DNAH7: variants seen among roughly 807,000 people sequenced by gnomAD.
DNAH7 encodes dynein axonemal heavy chain 7.
A neutral mutation model predicts 444.6 loss-of-function variants in DNAH7; 397 were observed. The observed-to-expected ratio is 0.89, with a 90% CI of 0.82 to 0.97. The LOEUF (loss-of-function observed/expected upper bound fraction) is 0.97. Ranked by LOEUF, DNAH7 falls within the 50% of genes least tolerant of loss-of-function variation. The pLI, the probability that DNAH7 is intolerant of heterozygous loss-of-function variation, is 0.00. For missense variants in DNAH7, 4,902 were observed against 4,800.8 expected (o/e 1.02, Z -0.62); for synonymous variants, 1,636 against 1,624.4 (o/e 1.01, Z -0.17).
rs531896173 is a variant in DNAH7 at position 195,785,647 on chromosome 2, T to C, written c.10878+1363A>G. Among the ~76,000 whole-genome samples the C allele has an allele frequency of 7.9e-5, 12 of 151,796 alleles. No individual in the cohort carries two copies. In the East Asian group the frequency reaches 2.3e-3, roughly 29 times the overall value. On this transcript the variant is annotated intron_variant, in intron 58 of 64. Coordinates refer to ENST00000312428, the MANE Select transcript of DNAH7 (RefSeq NM_018897.3). ...TGAATGAGTTGGATTTTTTCAGATGTTTTTTCTGCATCTATCGATATGATC... is the reference window on the plus strand; with the variant it reads ...TGAATGAGTTGGATTTTTTCAGATGCTTTTTCTGCATCTATCGATATGATC...
intron 17 of DNAH7, among the ~76,000 whole-genome samples, chr2:195,967,623 T>C (rs1574908557): frequency 6.6e-6 from 1 of 152,352 alleles, no homozygotes; most frequent in Non-Finnish European, 1.5e-5. Flanking sequence ...TGATATACTA[T>C]TCTAGGGTAC....
intron 30 of DNAH7, chr2:195,893,650 T>C (rs1702143112): frequency 1.3e-5 from 2 of 152,246 alleles, no homozygotes; most frequent in Admixed American, 6.5e-5. Context: ...CTCTATTATC[T>C]TCTTAATCAG....
intron 10 of DNAH7, among the ~76,000 whole-genome samples, chr2:196,007,734 G>A (rs956591978): frequency 7.2e-5 from 11 of 152,062 alleles, no homozygotes; most frequent in Non-Finnish European, 1.3e-4. Flanking sequence ...CTTGCCTGTC[G>A]CCATGTAGGA....
At chr2:195,931,003 T>C (rs1452933656) in intron 21 of DNAH7, among the ~76,000 whole-genome samples, 4 of 151,906 alleles carry the variant, frequency 2.6e-5, no homozygotes, top group Admixed American at 6.6e-5. Flanking sequence ...CAGATGGGAA[T>C]GGCAACAATA....
chr2:195,809,686 T>C, intron 52 of DNAH7, 59 bp downstream of exon 52: 1 of 1,397,816 alleles, frequency 7.2e-7, no homozygotes, highest in Non-Finnish European at 9.4e-7. Context: ...TACAAATTAA[T>C]AAATTAATGA....
intron 9 of DNAH7, among the ~76,000 whole-genome samples, chr2:196,015,929 G>A (rs1156906943): frequency 6.6e-6 from 1 of 152,114 alleles, no homozygotes; most frequent in Non-Finnish European, 1.5e-5. Flanking sequence ...AGGAGCTTGT[G>A]GAGCTCTTCT....
intron 1 of DNAH7, among the ~76,000 whole-genome samples, chr2:196,066,240 T>G (rs1698423210): frequency 6.6e-6 from 1 of 152,226 alleles, no homozygotes; most frequent in Non-Finnish European, 1.5e-5. Flanking sequence ...CAATAACCTC[T>G]CAAAATTTCA....
intron 48 of DNAH7, among the ~76,000 whole-genome samples, chr2:195,828,037 G>A (rs569689069): frequency 6.6e-6 from 1 of 152,238 alleles, no homozygotes; most frequent in African/African-American, 2.4e-5. Flanking sequence ...GGCCAATCTA[G>A]TTTCATCCAT....
chr2:196,042,860 A>G (rs984224448), intron 5 of DNAH7, among the ~76,000 whole-genome samples: 5 of 152,164 alleles, frequency 3.3e-5, no homozygotes, highest in Non-Finnish European at 7.4e-5. Flanking sequence ...CCCAGCAAAA[A>G]TGAAAATGTA....
At chr2:196,001,372 CT>C (rs5837487) in intron 11 of DNAH7, among the ~76,000 whole-genome samples, 8 of 148,970 alleles carry the variant, frequency 5.4e-5, no homozygotes, top group East Asian at 2.0e-4. Context: ...GACATTAACT[CT>C]TTTTTTTTTG....
chr2:195,969,884 T>G, intron 17 of DNAH7, 64 bp downstream of exon 17: 2 of 1,524,486 alleles, frequency 1.3e-6, no homozygotes, highest in Non-Finnish European at 1.8e-6. Context: ...GGTGAATAAC[T>G]AAAACGAATT....
At position 195,864,723 on chromosome 2, in the gene DNAH7, A is replaced by G. The variant is rs772902031; in HGVS notation, c.6932T>C (p.Met2311Thr). ...EEYNNISKKP[M>T]NLVLFRFAIE... ...GGCAAATCGAAACAAGACAAGGTTC[A>G]TGGGTTTTTTGCTTATATTGTTGTA... Residue 2311 changes from methionine to threonine, a missense_variant, in exon 41 of 65, where the codon ATG (methionine) becomes ACG (threonine). Physicochemically the swap from Met to Thr is moderately conservative, Grantham distance 81 (BLOSUM62 -1). Coordinates refer to ENST00000312428, the MANE Select transcript of DNAH7 (RefSeq NM_018897.3). 39 of 1,614,078 alleles carry G rather than the reference A, an allele frequency of 2.4e-5. No homozygotes were observed. The highest frequency in any genetic ancestry group is 6.7e-5 in the Admixed American group (4 of 59,992).
chr2:195,904,182 A>C (rs1335044193), intron 27 of DNAH7: 1 of 152,198 alleles, frequency 6.6e-6, no homozygotes, highest in African/African-American at 2.4e-5. Context: ...ACTCCTCCTA[A>C]TGGGAGAGTC....
chr2:195,829,255 G>A (rs114084242), intron 48 of DNAH7, among the ~76,000 whole-genome samples: 2,563 of 152,022 alleles, frequency 0.017, 69 homozygotes, highest in African/African-American at 0.058. Flanking sequence ...TTTAAATTCT[G>A]ATACCTTTCA....
intron 51 of DNAH7, among the ~76,000 whole-genome samples, chr2:195,812,771 T>C (rs193122642): frequency 2.1e-3 from 322 of 152,338 alleles, no homozygotes; most frequent in African/African-American, 7.6e-3. Context: ...AATAGTCACA[T>C]GTTTTCTATG....
chr2:195,947,270 C>T lies in DNAH7; in HGVS notation c.3078+9991G>A, dbSNP rs187775719. Reference sequence around the variant, plus strand: ...CTTGGCCTCCCAAAGTGCTGGATCACAGGCGTGAGCCACATGTCTTATTTT... The same window carrying T: ...CTTGGCCTCCCAAAGTGCTGGATCATAGGCGTGAGCCACATGTCTTATTTT... On this transcript the variant is annotated intron_variant, in intron 19 of 64. Transcript: ENST00000312428. 5.4e-3 allele frequency among the ~76,000 whole-genome samples: 821 copies of T among 151,910 alleles called. 3 individuals carry two copies. The highest frequency in any genetic ancestry group is 7.2e-3 in the Non-Finnish European group (490 of 67,924).
intron 12 of DNAH7, among the ~76,000 whole-genome samples, chr2:195,997,675 T>C (rs1204254354): frequency 1.3e-5 from 2 of 150,466 alleles, no homozygotes; most frequent in African/African-American, 4.9e-5. Flanking sequence ...TTACCTTCCA[T>C]GAAAAAAAAA....
intron 36 of DNAH7, among the ~76,000 whole-genome samples, chr2:195,881,353 A>G (rs1559178919): frequency 6.6e-6 from 1 of 152,338 alleles, no homozygotes; most frequent in South Asian, 2.1e-4. Flanking sequence ...AGCATTTTCT[A>G]TTACAGCATC....
intron 58 of DNAH7, among the ~76,000 whole-genome samples, chr2:195,784,496 C>T (rs902592223): frequency 6.6e-6 from 1 of 152,184 alleles, no homozygotes; most frequent in Non-Finnish European, 1.5e-5. Flanking sequence ...TATCCATTCA[C>T]CTACTAAAGG....
Sources: gnomAD v4.1 joint callset for allele counts (sites outside exome capture counted in the v4.1 genomes callset) on GRCh38, gnomAD v4.1.1 for gene constraint, MANE v1.5 for transcripts, NCBI Gene and HGNC (gene_info 2026-07-23, HGNC 2026-07-21) for gene names.